Variants in LOXL1 observed in about 807,000 individuals in gnomAD.
LOXL1 encodes lysyl oxidase like 1, also known as lysyl oxidase homolog 1.
In LOXL1, 31 loss-of-function variants were observed where a neutral mutation model predicts 62.2. The observed-to-expected ratio is 0.50, with a 90% CI of 0.37 to 0.67. The LOEUF is 0.67. LOXL1 is among the 30% of genes least tolerant of loss of function. The probability of loss-of-function intolerance (pLI) is 0.00; values close to 1 mark genes in which losing one functional copy is unlikely to be tolerated. For synonymous variants in LOXL1, 403 were observed against 384.4 expected, an observed-to-expected ratio of 1.05 and a Z score of -0.56; for missense variants, 775 against 843.4, an observed-to-expected ratio of 0.92 and a Z score of 1.00.
At chr15:73,948,185 G>C (rs2068761017) in intron 5 of LOXL1, among the ~76,000 whole-genome samples, 5 of 152,214 alleles carry the variant, frequency 3.3e-5, no homozygotes, top group Admixed American at 2.0e-4. Context: ...CAGAGGACCA[G>C]GGAGAGCAAG....
intron 2 of LOXL1, 159 bp from the exon 3 acceptor site, chr15:73,946,258 C>T (rs1383159462): frequency 1.5e-5 from 9 of 606,424 alleles, no homozygotes; most frequent in Middle Eastern, 4.3e-4. Context: ...CCTGAGCCTC[C>T]GCCACAGTTC....
intron 5 of LOXL1, 31 bp from the exon 6 acceptor site, chr15:73,949,428 T>C: frequency 7.5e-7 from 1 of 1,326,240 alleles, no homozygotes; most frequent in South Asian, 1.2e-5. Flanking sequence ...CTGACTAGAC[T>C]CCCTTTCTCC....
intron 6 of LOXL1, among the ~76,000 whole-genome samples, chr15:73,951,336 A>G (rs543211914): frequency 2.6e-5 from 4 of 152,058 alleles, no homozygotes; most frequent in Non-Finnish European, 4.4e-5. Context: ...AGAGCTCTTT[A>G]CATAAGTGCT....
intron 1 of LOXL1, among the ~76,000 whole-genome samples, chr15:73,937,703 C>T (rs1595845850): frequency 6.6e-6 from 1 of 152,370 alleles, no homozygotes; most frequent in East Asian, 1.9e-4. Context: ...GCCTATGACA[C>T]AGTAGGGCAA....
At chr15:73,946,328 A>G in intron 2 of LOXL1, 89 bp from the exon 3 acceptor site, 1 of 921,730 alleles carries the variant, frequency 1.1e-6, no homozygotes, top group East Asian at 2.5e-5. Flanking sequence ...CCAGTGGCCA[A>G]GGGCTGGGGG....
chr15:73,938,999 A>G (rs1442811381), intron 1 of LOXL1, among the ~76,000 whole-genome samples: 1 of 152,106 alleles, frequency 6.6e-6, no homozygotes, highest in African/African-American at 2.4e-5. Flanking sequence ...CAGTCTGATA[A>G]TAACTGGACT....
chr15:73,934,557 C>G (rs546908106), intron 1 of LOXL1, among the ~76,000 whole-genome samples: 1 of 152,298 alleles, frequency 6.6e-6, no homozygotes, highest in African/African-American at 2.4e-5. Context: ...TCTTGCCTGG[C>G]TGCAGAAGGC....
rs746680250 is a variant in LOXL1 at position 73,942,689 on chromosome 15, A to G, written c.1103-165A>G. Among the ~76,000 whole-genome samples, 4 of 151,586 alleles carry G rather than the reference A, an allele frequency of 2.6e-5. No homozygotes were observed. The South Asian group carries it at 8.4e-4, about 32-fold the overall frequency. On this transcript the variant is annotated intron_variant, in intron 1 of 6. Coordinates refer to ENST00000261921, the MANE Select transcript of LOXL1 (RefSeq NM_005576.4). ...TGCTGCCTGACTTCCCTGACCCCAC[A>G]CCTGGGCCCAGGACCTAACACCCAA...
At chr15:73,934,785 G>C (rs1423631033) in intron 1 of LOXL1, among the ~76,000 whole-genome samples, 1 of 152,228 alleles carries the variant, frequency 6.6e-6, no homozygotes, top group East Asian at 1.9e-4. Context: ...ACTAAGTGCT[G>C]TGGAAAAATA....
At position 73,927,347 on chromosome 15, in the gene LOXL1, C is replaced by T; in HGVS notation, c.564C>T (p.Tyr188=). ...PYPQAPFVSQ[Y]ENYDPASRTY... ...CGCAGGCGCCCTTCGTCAGCCAGTA[C>T]GAGAACTACGACCCCGCGTCGCGGA... The change falls in exon 1 of 7, where the codon TAC becomes TAT. Residue 188 remains tyrosine, a synonymous_variant. Coordinates refer to ENST00000261921, the MANE Select transcript of LOXL1 (RefSeq NM_005576.4). 1 of 1,595,500 alleles carries T rather than the reference C, an allele frequency of 6.3e-7. No homozygotes were observed. Among genetic ancestry groups the T allele is most frequent in the Non-Finnish European group, 8.5e-7 (1 of 1,172,346 alleles).
chr15:73,951,545 A>C (rs1488298954), intron 6 of LOXL1, among the ~76,000 whole-genome samples: 1 of 152,134 alleles, frequency 6.6e-6, no homozygotes, highest in Non-Finnish European at 1.5e-5. Context: ...AAAAACAAGA[A>C]AGTATTTCCA....
chr15:73,936,254 G>T (rs906736469), intron 1 of LOXL1, among the ~76,000 whole-genome samples: 2 of 152,122 alleles, frequency 1.3e-5, no homozygotes, highest in African/African-American at 2.4e-5. Flanking sequence ...TCATTATGGG[G>T]CAAAGTGGAA....
chr15:73,948,188 A>C (rs1337127618), intron 5 of LOXL1, among the ~76,000 whole-genome samples: 1 of 152,220 alleles, frequency 6.6e-6, no homozygotes, highest in Non-Finnish European at 1.5e-5. Context: ...AGGACCAGGG[A>C]GAGCAAGAAA....
chr15:73,938,305 ATCTATCTATC>A (rs1257228306), intron 1 of LOXL1, among the ~76,000 whole-genome samples: 1 of 150,922 alleles, frequency 6.6e-6, no homozygotes, highest in African/African-American at 2.4e-5. Flanking sequence ...CTATCTATCT[ATCTATCTATC>A]TAGGTAGATA....
In LOXL1 at chr15:73,927,438, G is replaced by C; in HGVS notation, c.655G>C (p.Val219Leu). 6.9e-7 allele frequency: 1 copy of C among 1,459,656 alleles called. No homozygotes were observed. Among genetic ancestry groups the C allele is most frequent in the South Asian group, 1.4e-5 (1 of 71,796 alleles). 90.4% of individuals were successfully genotyped at this position (1,459,656 alleles called of 1,614,324 possible). A position where few individuals can be genotyped will look rare whatever the true frequency, so the allele number is the denominator to read the frequency against. The change falls in exon 1 of 7, where the codon GTG (valine) becomes CTG (leucine). Residue 219 changes from valine to leucine, a missense_variant. Val to Leu is a conservative substitution (Grantham distance 32). Transcript: ENST00000261921. ...CGGCGTGGGCGCGGGGGCGGCGGCC[G>C]TGGCCTCGGCGGGGGTCATCTACCC... ...GGGVGAGAAAVASAGVIYPYQ... is the reference protein window; with the variant it reads ...GGGVGAGAAALASAGVIYPYQ...
Position 73,930,610 on chromosome 15 carries a change from G to A in LOXL1, c.1102+2725G>A, listed in dbSNP as rs2068629011. On this transcript the variant is annotated intron_variant, in intron 1 of 6. Coordinates refer to ENST00000261921, the MANE Select transcript of LOXL1 (RefSeq NM_005576.4). This position sits in a 1 kb window ranked among gnomAD's most constrained non-coding sequence, Gnocchi z 4.7. ...GCCACACACCCAGGGGTCTGAGGCT[G>A]GGCGCTGGCAGCCTGTGAGTGTGTG... Among the ~76,000 whole-genome samples the A allele has an allele frequency of 6.6e-6, 1 of 152,320 alleles. No individual in the cohort carries two copies.
chr15:73,927,109 A>C lies in LOXL1; in HGVS notation c.326A>C (p.Asp109Ala), dbSNP rs2068586144. ...SLPLPGRVGSDTVRGQARHPF... is the reference protein window; with the variant it reads ...SLPLPGRVGSATVRGQARHPF... ...CCCCTGCCGGGGCGCGTGGGCTCGGACACCGTGCGCGGCCAGGCGCGGCAC... is the reference window on the plus strand; with the variant it reads ...CCCCTGCCGGGGCGCGTGGGCTCGGCCACCGTGCGCGGCCAGGCGCGGCAC... Residue 109 changes from aspartate to alanine, a missense_variant, in exon 1 of 7, where the codon GAC becomes GCC. By Grantham distance (126) the Asp-to-Ala change is moderately radical. Transcript: ENST00000261921. 2.2e-6 allele frequency: 3 copies of C among 1,347,864 alleles called. No individual in the cohort carries two copies. The highest frequency in any genetic ancestry group is 2.9e-6 in the Non-Finnish European group (3 of 1,044,352). 83.5% of individuals were successfully genotyped at this position (1,347,864 alleles called of 1,614,324 possible).
chr15:73,946,247 G>C (rs1057142741), intron 2 of LOXL1, 170 bp from the exon 3 acceptor site: 3 of 598,948 alleles, frequency 5.0e-6, no homozygotes, highest in African/African-American at 1.9e-5. Context: ...AGAGGAAGAG[G>C]CCTGAGCCTC....
At chr15:73,949,408 T>C (rs2304722) in intron 5 of LOXL1, 51 bp from the exon 6 acceptor site, 203,697 of 1,069,342 alleles carry the variant, frequency 0.19, 20,465 homozygotes, top group East Asian at 0.36. Context: ...GCAGTTGAGG[T>C]GCAGCCCCCC....
Sources: allele counts gnomAD v4.1 joint callset (sites outside exome capture counted in the v4.1 genomes callset), GRCh38; gene constraint gnomAD v4.1.1; non-coding constraint Gnocchi (gnomAD v3.1); transcripts MANE v1.5; gene names NCBI Gene and HGNC (gene_info 2026-07-23, HGNC 2026-07-21).